CTNNA2: variants seen among roughly 807,000 people sequenced by gnomAD.
The protein encoded by CTNNA2 is catenin alpha 2, also known as catenin alpha-2.
Under a neutral mutation model 101.0 loss-of-function variants are expected in CTNNA2, and 42 were observed. That is an observed-to-expected ratio of 0.42 (90% CI 0.32 to 0.54). The LOEUF (loss-of-function observed/expected upper bound fraction) is 0.54, where lower values mean the gene tolerates loss of function less well. Ranked by LOEUF, CTNNA2 falls within the 20% of genes least tolerant of loss-of-function variation. The probability of loss-of-function intolerance (pLI) is 0.14; values close to 1 mark genes in which losing one functional copy is unlikely to be tolerated. For missense variants in CTNNA2, 871 were observed against 1,223.1 expected (o/e 0.71, Z 4.29); for synonymous variants, 450 against 456.4 (o/e 0.99, Z 0.18).
chr2:79,819,048 C>G (rs962066365), intron 3 of CTNNA2, among the ~76,000 whole-genome samples: 1 of 149,552 alleles, frequency 6.7e-6, no homozygotes, highest in African/African-American at 2.5e-5. Context: ...GGTATGATCT[C>G]GGTTCACTGC....
chr2:80,389,328 T>TA lies in CTNNA2; in HGVS notation c.1057-3874dup, dbSNP rs55752102. Among the ~76,000 whole-genome samples, 15 of 151,462 alleles carry TA rather than the reference T, an allele frequency of 9.9e-5. No individual in the cohort carries two copies. In the South Asian group the frequency reaches 1.0e-3, roughly 11 times the overall value. ...GTGCTTATGACAAAACTCAGACTTT[T>TA]AAAAAAAAATGGGGTAAATGGTTAG... On this transcript the variant is annotated intron_variant, in intron 7 of 18. Coordinates refer to ENST00000402739, the MANE Select transcript of CTNNA2 (RefSeq NM_001282597.3).
intron 9 of CTNNA2, among the ~76,000 whole-genome samples, chr2:80,457,372 T>C (rs921662457): frequency 4.6e-5 from 7 of 152,152 alleles, no homozygotes; most frequent in Non-Finnish European, 1.0e-4. Flanking sequence ...CTGATCGTTA[T>C]ACATTATATA....
chr2:80,383,159 C>G (rs748312403), intron 7 of CTNNA2, among the ~76,000 whole-genome samples: 1 of 152,184 alleles, frequency 6.6e-6, no homozygotes, highest in African/African-American at 2.4e-5. Context: ...CAAGTAATCA[C>G]TGAGGACTAC....
At chr2:80,142,892 C>G (rs1225791256) in intron 7 of CTNNA2, among the ~76,000 whole-genome samples, 2 of 150,242 alleles carry the variant, frequency 1.3e-5, no homozygotes, top group East Asian at 3.9e-4. Flanking sequence ...CTCAGGTGCC[C>G]CATCAAGATT....
chr2:80,080,243 G>C (rs1454602305), intron 7 of CTNNA2, among the ~76,000 whole-genome samples: 2 of 152,114 alleles, frequency 1.3e-5, no homozygotes, highest in Admixed American at 6.6e-5. Flanking sequence ...GGAAGACAAA[G>C]TTGGATACTT....
At chr2:80,599,667 C>T (rs1221056733) in intron 15 of CTNNA2, among the ~76,000 whole-genome samples, 1 of 152,114 alleles carries the variant, frequency 6.6e-6, no homozygotes, top group Non-Finnish European at 1.5e-5. Context: ...AAGGGTGTTG[C>T]ATCATGCTCA....
intron 8 of CTNNA2, among the ~76,000 whole-genome samples, chr2:80,406,999 A>T (rs1679130849): frequency 6.6e-6 from 1 of 152,038 alleles, no homozygotes; most frequent in African/African-American, 2.4e-5. Flanking sequence ...CAGGAAATTC[A>T]TGATTTGGGG....
chr2:79,874,209 G>A lies in CTNNA2; in HGVS notation c.719G>A (p.Arg240Gln), dbSNP rs747077179. Residue 240 changes from arginine to glutamine, a missense_variant, in exon 6 of 19, where the codon CGA becomes CAA. Physicochemically the swap from Arg to Gln is conservative, Grantham distance 43. Coordinates refer to ENST00000402739, the MANE Select transcript of CTNNA2 (RefSeq NM_001282597.3). Reference protein sequence around the residue: ...HPDVAATRANRDYVFKQVQEA... With the variant: ...HPDVAATRANQDYVFKQVQEA... ...GATGTCGCCGCTACGAGAGCCAACC[G>A]AGATTATGTGTTCAAACAAGTCCAG... 8 of 1,614,008 alleles carry A rather than the reference G, an allele frequency of 5.0e-6. No homozygotes were observed. The highest frequency in any genetic ancestry group is 5.1e-6 in the Non-Finnish European group (6 of 1,180,050).
In CTNNA2 at chr2:79,367,379, A is replaced by G. The variant is rs910689328; in HGVS notation, c.-317-6452A>G. Among the ~76,000 whole-genome samples the G allele has an allele frequency of 5.3e-5, 8 of 152,322 alleles. No homozygotes were observed. The South Asian group carries it at 1.7e-3, about 32-fold the overall frequency. On this transcript the variant is annotated intron_variant, in intron 3 of 21. Coordinates refer to the CTNNA2 transcript ENST00000466387. ...CCTGAAGGAGGTGAGAGAAAAGAACACGCAAATAAGGGGAAAGCATCTCTG... is the reference window on the plus strand; with the variant it reads ...CCTGAAGGAGGTGAGAGAAAAGAACGCGCAAATAAGGGGAAAGCATCTCTG...
chr2:79,475,121 C>CT (rs549881745), intron 4 of CTNNA2, among the ~76,000 whole-genome samples: 1 of 150,470 alleles, frequency 6.6e-6, no homozygotes, highest in Non-Finnish European at 1.5e-5. Context: ...AAAGAAAACT[C>CT]TTTTTTCTTT....
rs200614043 is a variant in CTNNA2 at position 79,220,186 on chromosome 2, A to G, written c.-406+22110A>G. On this transcript the variant is annotated intron_variant, in intron 2 of 21. Coordinates refer to the CTNNA2 transcript ENST00000466387. ...TGTATGTGTGTGTGTGTATATATATATGTGTGTGTGTGTGTATATATATGT... is the reference window on the plus strand; with the variant it reads ...TGTATGTGTGTGTGTGTATATATATGTGTGTGTGTGTGTGTATATATATGT... 2.3e-3 allele frequency among the ~76,000 whole-genome samples: 354 copies of G among 151,024 alleles called. 2 individuals carry two copies. The highest frequency in any genetic ancestry group is 7.8e-3 in the African/African-American group (317 of 40,798).
At chr2:79,699,315 A>G (rs76254157) in intron 2 of CTNNA2, among the ~76,000 whole-genome samples, 13,311 of 152,078 alleles carry the variant, frequency 0.088, 646 homozygotes, top group South Asian at 0.13. Context: ...TCCATTCCTG[A>G]TTCATTAATA....
chr2:79,848,412 C>T (rs57317917), intron 3 of CTNNA2, among the ~76,000 whole-genome samples: 11 of 152,298 alleles, frequency 7.2e-5, no homozygotes, highest in East Asian at 1.9e-4. Flanking sequence ...AAACAATAAT[C>T]ACCTTTTTAT....
chr2:80,636,661 T>G (rs767632294), intron 18 of CTNNA2, among the ~76,000 whole-genome samples: 4 of 152,144 alleles, frequency 2.6e-5, no homozygotes, highest in African/African-American at 9.7e-5. Flanking sequence ...TTTGGGGAAT[T>G]TAAGGTCCTT....
intron 7 of CTNNA2, chr2:80,305,230 T>C: frequency 1.0e-6 from 1 of 985,312 alleles, no homozygotes; most frequent in Non-Finnish European, 1.2e-6. Context: ...CAGCCAGCCC[T>C]TTTTTGAGGT....
intron 9 of CTNNA2, among the ~76,000 whole-genome samples, chr2:80,543,892 G>T (rs1691804101): frequency 6.6e-6 from 1 of 152,126 alleles, no homozygotes; most frequent in Non-Finnish European, 1.5e-5. Context: ...CACTTGTTCT[G>T]TTTGCTCCAT....
intron 18 of CTNNA2, among the ~76,000 whole-genome samples, chr2:80,641,760 T>G (rs1190029277): frequency 1.5e-5 from 2 of 134,160 alleles, no homozygotes; most frequent in African/African-American, 5.6e-5. Flanking sequence ...TGACGTTATA[T>G]CTTAGATTAT....
At chr2:79,967,952 A>G (rs977998949) in intron 7 of CTNNA2, among the ~76,000 whole-genome samples, 1 of 152,236 alleles carries the variant, frequency 6.6e-6, no homozygotes, top group Non-Finnish European at 1.5e-5. Flanking sequence ...AAGCCAAAGC[A>G]AATGGTTATA....
chr2:79,639,969 G>A (rs571074506), intron 1 of CTNNA2, among the ~76,000 whole-genome samples: 1 of 151,760 alleles, frequency 6.6e-6, no homozygotes, highest in Admixed American at 6.6e-5. Context: ...TGTGAAGAGA[G>A]AGAGAGAGAA....
Sources: allele counts gnomAD v4.1 joint callset (sites outside exome capture counted in the v4.1 genomes callset), GRCh38; gene constraint gnomAD v4.1.1; transcripts MANE v1.5; gene names NCBI Gene and HGNC (gene_info 2026-07-23, HGNC 2026-07-21).